Variants in C3orf20 observed in about 807,000 individuals in gnomAD.
C3orf20 encodes the protein family with sequence similarity 149 member C.
Under a neutral mutation model 88.3 loss-of-function variants are expected in C3orf20, and 76 were observed. The observed-to-expected ratio is 0.86, with a 90% CI of 0.72 to 1.04. C3orf20 has a LOEUF of 1.04. Ranked by LOEUF, C3orf20 falls within the 50% of genes least tolerant of loss-of-function variation. The pLI, the probability that C3orf20 is intolerant of heterozygous loss-of-function variation, is 0.00. For synonymous variants in C3orf20, 436 were observed against 437.4 expected, an observed-to-expected ratio of 1.00 and a Z score of 0.04; for missense variants, 1,056 against 1,123.3, an observed-to-expected ratio of 0.94 and a Z score of 0.86.
intron 4 of C3orf20, among the ~76,000 whole-genome samples, chr3:14,687,728 A>G (rs1021161910): frequency 6.6e-6 from 1 of 152,136 alleles, no homozygotes; most frequent in African/African-American, 2.4e-5. Context: ...CTCACCACTA[A>G]CACTCCTTCT....
chr3:14,688,534 AAAAAAAAAAAAAG>A (rs1172573189), intron 4 of C3orf20, among the ~76,000 whole-genome samples: 1 of 150,448 alleles, frequency 6.6e-6, no homozygotes, highest in Admixed American at 6.6e-5. Flanking sequence ...TGTCTCAAAA[AAAAAAAAAAAAAG>A]AAAAAAAAGA....
Position 14,684,891 on chromosome 3 carries a change from A to G in C3orf20, c.625+509A>G, listed in dbSNP as rs115246540. ...CACATGTTCCAGAAGTCATACAAGAATGTTTATTGCAGGCAGGCATGGTGG... is the reference window on the plus strand; with the variant it reads ...CACATGTTCCAGAAGTCATACAAGAGTGTTTATTGCAGGCAGGCATGGTGG... On this transcript the variant is annotated intron_variant, in intron 4 of 16. Coordinates refer to ENST00000253697, the MANE Select transcript of C3orf20 (RefSeq NM_032137.5). Among the ~76,000 whole-genome samples, 162 of 152,286 alleles carry G rather than the reference A, an allele frequency of 1.1e-3. 1 individual carries two copies. The highest frequency in any genetic ancestry group is 3.7e-3 in the African/African-American group (154 of 41,538).
rs114960115 is a variant in C3orf20 at position 14,683,151 on chromosome 3, G to C, written c.438G>C (p.Thr146=). 6.2e-7 allele frequency: 1 copy of C among 1,612,146 alleles called. No homozygotes were observed. The highest frequency in any genetic ancestry group is 1.1e-5 in the South Asian group (1 of 90,694). Residue 146 remains threonine (T), a synonymous_variant, in exon 3 of 17, where the codon ACG becomes ACC. Coordinates refer to ENST00000253697, the MANE Select transcript of C3orf20 (RefSeq NM_032137.5). ...AGCAGCAGTCCATCCACCTGCTGAC[G>C]GAGCTCCTCAGACTGAAGATGAAGG... ...RFQQQSIHLL[T]ELLRLKMKAM...
intron 4 of C3orf20, among the ~76,000 whole-genome samples, chr3:14,685,776 TCTTTTTTTTCTGG>T: frequency 6.6e-6 from 1 of 152,202 alleles, no homozygotes; most frequent in South Asian, 2.1e-4. Flanking sequence ...ACAGGATTTG[TCTTTTTTTTCTGG>T]CTTTTTTTTC....
In C3orf20 at chr3:14,772,475, C is replaced by T. The variant is rs2035887824; in HGVS notation, c.2630+274C>T. Among the ~76,000 whole-genome samples, 1 of 152,230 alleles carries T rather than the reference C, an allele frequency of 6.6e-6. No individual in the cohort carries two copies. The highest frequency in any genetic ancestry group is 1.5e-5 in the Non-Finnish European group (1 of 68,042). ...CCCATTAGTCTGAGAAGGGTGGAGA[C>T]TGCCCCGCTGTCTCCTTGCAAGAAA... On this transcript the variant is annotated intron_variant, in intron 16 of 16. Transcript: ENST00000253697. This position sits in a 1 kb window ranked among gnomAD's most constrained non-coding sequence, Gnocchi z 4.2.
At chr3:14,770,727 G>A (rs1036608299) in intron 15 of C3orf20, among the ~76,000 whole-genome samples, 3 of 152,124 alleles carry the variant, frequency 2.0e-5, no homozygotes, top group East Asian at 1.9e-4. Context: ...AAATATGACC[G>A]AGTGACTAGA....
At chr3:14,719,940 C>G (rs1004617629) in intron 9 of C3orf20, among the ~76,000 whole-genome samples, 2 of 152,180 alleles carry the variant, frequency 1.3e-5, no homozygotes, top group African/African-American at 4.8e-5. Flanking sequence ...AGCTTGAGCT[C>G]CCAACCGTGG....
chr3:14,708,586 T>G (rs1484301466), intron 7 of C3orf20, among the ~76,000 whole-genome samples: 3 of 152,160 alleles, frequency 2.0e-5, no homozygotes, highest in African/African-American at 7.2e-5. Flanking sequence ...TTGATAGGCA[T>G]TGCATTGATT....
At chr3:14,749,506 C>G (rs1439302070) in intron 12 of C3orf20, among the ~76,000 whole-genome samples, 7 of 152,108 alleles carry the variant, frequency 4.6e-5, no homozygotes, top group Non-Finnish European at 1.0e-4. Context: ...AAATGCATCT[C>G]GTGTAGGGAG....
Position 14,690,126 on chromosome 3 carries a change from G to T in C3orf20, c.745+10G>T. Reference sequence around the variant, plus strand: ...GCCAAGAAGAAAATAGGTAAAAATGGTTCCTCGTGGCCTACCATTCATTGG... The same window carrying T: ...GCCAAGAAGAAAATAGGTAAAAATGTTTCCTCGTGGCCTACCATTCATTGG... On this transcript the variant is annotated intron_variant, in intron 5 of 16. Coordinates refer to ENST00000253697, the MANE Select transcript of C3orf20 (RefSeq NM_032137.5). 6.2e-7 allele frequency: 1 copy of T among 1,613,908 alleles called. No individual in the cohort carries two copies. The highest frequency in any genetic ancestry group is 2.2e-5 in the East Asian group (1 of 44,872).
chr3:14,692,765 G>A lies in C3orf20; in HGVS notation c.745+2649G>A, dbSNP rs182775063. ...ATCTGATTTGTCCATTTTTGTTTTG[G>A]TTGCCTGTGCTTGTGGGGTATTACT... On this transcript the variant is annotated intron_variant, in intron 5 of 16. Coordinates refer to ENST00000253697, the MANE Select transcript of C3orf20 (RefSeq NM_032137.5). 4.5e-3 allele frequency among the ~76,000 whole-genome samples: 684 copies of A among 152,120 alleles called. 9 individuals carry two copies. Among genetic ancestry groups the A allele is most frequent in the African/African-American group, 0.015 (628 of 41,482 alleles).
chr3:14,704,814 C>T (rs1263865204), intron 7 of C3orf20, among the ~76,000 whole-genome samples, 196 bp downstream of exon 7: 1 of 152,162 alleles, frequency 6.6e-6, no homozygotes, highest in African/African-American at 2.4e-5. Context: ...TCAAGCCTCA[C>T]GTTCAGTTCA....
rs536773975 is a variant in C3orf20 at position 14,679,622 on chromosome 3, G to A, written c.-298-2548G>A. ...CAGCCATCTTATCCATTTCAGGCAAGAAGGACTAGAGAGGTCAGCTGGTAC... is the reference window on the plus strand; with the variant it reads ...CAGCCATCTTATCCATTTCAGGCAAAAAGGACTAGAGAGGTCAGCTGGTAC... On this transcript the variant is annotated intron_variant, in intron 1 of 16. Coordinates refer to ENST00000253697, the MANE Select transcript of C3orf20 (RefSeq NM_032137.5). Among the ~76,000 whole-genome samples the A allele has an allele frequency of 1.4e-4, 22 of 152,016 alleles. No individual in the cohort carries two copies. The Middle Eastern group carries it at 0.01, about 71-fold the overall frequency.
chr3:14,703,380 C>G, intron 6 of C3orf20, 118 bp downstream of exon 6: 1 of 1,508,042 alleles, frequency 6.6e-7, no homozygotes, highest in Non-Finnish European at 8.9e-7. Context: ...AGACATGCCA[C>G]CTGGGAGCGT....
chr3:14,681,988 A>G (rs550704222), intron 1 of C3orf20, among the ~76,000 whole-genome samples, 182 bp from the exon 2 acceptor site: 1 of 152,346 alleles, frequency 6.6e-6, no homozygotes, highest in East Asian at 1.9e-4. Flanking sequence ...ACATTTTCCA[A>G]CTTTAACATC....
chr3:14,710,919 A>C (rs1257202640), intron 7 of C3orf20, among the ~76,000 whole-genome samples: 1 of 149,010 alleles, frequency 6.7e-6, no homozygotes, highest in Non-Finnish European at 1.5e-5. Flanking sequence ...TTTGAGGTGG[A>C]ATCTCACTGT....
chr3:14,740,689 A>G (rs2034874916), intron 12 of C3orf20, among the ~76,000 whole-genome samples: 1 of 152,228 alleles, frequency 6.6e-6, no homozygotes, highest in East Asian at 1.9e-4. Context: ...TGTATATTTC[A>G]TCTTTTTTTT....
At chr3:14,724,866 G>A (rs1349164119) in intron 10 of C3orf20, among the ~76,000 whole-genome samples, 1 of 152,162 alleles carries the variant, frequency 6.6e-6, no homozygotes, top group Non-Finnish European at 1.5e-5. Context: ...TCAAGGCATG[G>A]TTTGGCAGTG....
chr3:14,725,885 A>G (rs1393494260), intron 10 of C3orf20, among the ~76,000 whole-genome samples: 1 of 149,532 alleles, frequency 6.7e-6, no homozygotes, highest in African/African-American at 2.4e-5. Flanking sequence ...AAAAAAAAAA[A>G]TGACCAGGAC....
Sources: allele counts gnomAD v4.1 joint callset (sites outside exome capture counted in the v4.1 genomes callset), GRCh38; gene constraint gnomAD v4.1.1; non-coding constraint Gnocchi (gnomAD v3.1); transcripts MANE v1.5; gene names NCBI Gene and HGNC (gene_info 2026-07-23, HGNC 2026-07-21).